Variants in SPOCK1 observed in about 807,000 individuals in gnomAD.
SPOCK1 encodes testican-1.
In SPOCK1, 23 loss-of-function variants were observed where a neutral mutation model predicts 55.3. The ratio of observed to expected loss-of-function variants is 0.42; its 90% CI spans 0.30 to 0.59. The LOEUF (loss-of-function observed/expected upper bound fraction) is 0.59. Among genes scored for constraint, SPOCK1 ranks in the 20% least tolerant of loss-of-function variants. The pLI is 0.22. For synonymous variants in SPOCK1, 226 were observed against 221.0 expected, an observed-to-expected ratio of 1.02 and a Z score of -0.20; for missense variants, 499 against 552.5, an observed-to-expected ratio of 0.90 and a Z score of 0.97.
At chr5:137,399,232 A>G (rs1751923104) in intron 2 of SPOCK1, among the ~76,000 whole-genome samples, 1 of 152,232 alleles carries the variant, frequency 6.6e-6, no homozygotes, top group East Asian at 1.9e-4. Context: ...AACCTTAATA[A>G]CTAATACTGA....
chr5:137,144,017 C>A (rs1754147205), intron 3 of SPOCK1, among the ~76,000 whole-genome samples: 1 of 152,094 alleles, frequency 6.6e-6, no homozygotes, highest in South Asian at 2.1e-4. Flanking sequence ...GCTTTGGGGG[C>A]AGAATGAGAC....
chr5:137,363,080 C>T (rs868580707), intron 2 of SPOCK1, among the ~76,000 whole-genome samples: 37 of 152,306 alleles, frequency 2.4e-4, no homozygotes, highest in African/African-American at 6.7e-4. Flanking sequence ...TGAACACGTA[C>T]GGAGCACATC....
intron 2 of SPOCK1, among the ~76,000 whole-genome samples, chr5:137,359,396 A>G (rs1437718555): frequency 6.6e-6 from 1 of 152,226 alleles, no homozygotes; most frequent in Non-Finnish European, 1.5e-5. Context: ...TCCAGAGCAT[A>G]CAAAATCAAT....
chr5:137,273,597 T>C (rs989106003), intron 2 of SPOCK1, among the ~76,000 whole-genome samples: 1 of 152,232 alleles, frequency 6.6e-6, no homozygotes, highest in African/African-American at 2.4e-5. Flanking sequence ...CATGAGGTTA[T>C]GGGGTAGAAT....
intron 2 of SPOCK1, among the ~76,000 whole-genome samples, chr5:137,312,450 T>C (rs888458765): frequency 2.0e-5 from 3 of 152,118 alleles, no homozygotes; most frequent in Non-Finnish European, 4.4e-5. Flanking sequence ...AGGAAAACCA[T>C]GCCATAAACA....
chr5:137,201,874 G>A (rs1404403249), intron 3 of SPOCK1, among the ~76,000 whole-genome samples: 4 of 151,930 alleles, frequency 2.6e-5, no homozygotes, highest in Non-Finnish European at 4.4e-5. Context: ...TCCATGCAGG[G>A]GAAAATAAAA....
intron 2 of SPOCK1, among the ~76,000 whole-genome samples, chr5:137,316,278 C>T (rs181231095): frequency 5.9e-4 from 90 of 152,342 alleles, no homozygotes; most frequent in African/African-American, 2.1e-3. Context: ...AAAGGACCCA[C>T]CTCTGAATGC....
intron 2 of SPOCK1, among the ~76,000 whole-genome samples, chr5:137,413,511 T>G (rs571830736): frequency 6.7e-6 from 1 of 149,082 alleles, no homozygotes; most frequent in South Asian, 2.1e-4. Flanking sequence ...ACTAGGGTAG[T>G]TTCCCCCTGA....
chr5:137,009,389 G>A (rs1396078820), intron 6 of SPOCK1, among the ~76,000 whole-genome samples: 3 of 152,160 alleles, frequency 2.0e-5, no homozygotes, highest in African/African-American at 7.2e-5. Flanking sequence ...CTACTCATAT[G>A]AGATGCAAAG....
At chr5:137,479,987 C>A (rs1753916128) in intron 2 of SPOCK1, among the ~76,000 whole-genome samples, 1 of 152,112 alleles carries the variant, frequency 6.6e-6, no homozygotes, top group African/African-American at 2.4e-5. Context: ...ATCAGACATT[C>A]ATCCCCACTC....
chr5:136,983,946 A>ATGTT (rs1750786377), intron 9 of SPOCK1, among the ~76,000 whole-genome samples: 1 of 152,348 alleles, frequency 6.6e-6, no homozygotes, highest in East Asian at 1.9e-4. Flanking sequence ...GAGGCAATGT[A>ATGTT]TGTTTTAATA....
intron 2 of SPOCK1, among the ~76,000 whole-genome samples, chr5:137,311,577 T>C (rs1429532813): frequency 6.6e-6 from 1 of 152,272 alleles, no homozygotes; most frequent in Non-Finnish European, 1.5e-5. Flanking sequence ...TTTCAAACTA[T>C]CTACTCCGCT....
intron 2 of SPOCK1, among the ~76,000 whole-genome samples, chr5:137,468,999 C>A (rs1010465827): frequency 3.9e-5 from 6 of 152,104 alleles, no homozygotes; most frequent in African/African-American, 1.4e-4. Flanking sequence ...AAAGAGTTAA[C>A]CTTTTAAAAT....
chr5:137,467,568 G>A (rs537452663), intron 2 of SPOCK1, among the ~76,000 whole-genome samples: 9 of 152,208 alleles, frequency 5.9e-5, no homozygotes, highest in Admixed American at 1.3e-4. Flanking sequence ...ACTTAAAGGT[G>A]TGACAAGGGC....
intron 2 of SPOCK1, among the ~76,000 whole-genome samples, chr5:137,488,734 G>A (rs1218715269): frequency 6.6e-6 from 1 of 152,180 alleles, no homozygotes; most frequent in African/African-American, 2.4e-5. Flanking sequence ...AACACCTGCA[G>A]TAAGTTCCAC....
chr5:137,160,568 ATAT>A lies in SPOCK1; in HGVS notation c.233-19877_233-19875del, dbSNP rs1257511637. ...ATATATAATATATATTATATATTAT[ATAT>A]TATATAATATATATAATATATAATA... is the stretch of plus-strand genomic sequence containing the variant. On this transcript the variant is annotated intron_variant, in intron 3 of 10. Transcript: ENST00000394945. Among the ~76,000 whole-genome samples the A allele has an allele frequency of 2.9e-5, 2 of 69,446 alleles. 1 individual carries two copies. Among genetic ancestry groups the A allele is most frequent in the East Asian group, 1.3e-3 (2 of 1,528 alleles). 45.6% of individuals were successfully genotyped at this position (69,446 alleles called of 152,430 possible).
chr5:137,034,193 G>A (rs1751835533), intron 6 of SPOCK1, among the ~76,000 whole-genome samples: 2 of 152,180 alleles, frequency 1.3e-5, no homozygotes, highest in South Asian at 2.1e-4. Context: ...GTAAGTCCCT[G>A]CCCTCAAGGA....
chr5:137,180,250 G>A (rs906586756), intron 3 of SPOCK1, among the ~76,000 whole-genome samples: 1 of 150,702 alleles, frequency 6.6e-6, no homozygotes, highest in African/African-American at 2.4e-5. Flanking sequence ...AGTGTAACAT[G>A]TTTTGTACAG....
chr5:137,076,056 G>A (rs1399927259), intron 5 of SPOCK1, among the ~76,000 whole-genome samples: 2 of 152,210 alleles, frequency 1.3e-5, no homozygotes, highest in Admixed American at 6.5e-5. Context: ...ATGGAGGGAG[G>A]ACAACCTGCT....
Sources: allele counts gnomAD v4.1 joint callset (sites outside exome capture counted in the v4.1 genomes callset), GRCh38; gene constraint gnomAD v4.1.1; transcripts MANE v1.5; gene names NCBI Gene and HGNC (gene_info 2026-07-23, HGNC 2026-07-21).